Variants in ANKHD1 observed in about 807,000 individuals in gnomAD.
The protein encoded by ANKHD1 is ankyrin repeat and KH domain-containing protein 1.
Under a neutral mutation model 230.5 loss-of-function variants are expected in ANKHD1, and 31 were observed. The observed-to-expected ratio is 0.13, with a 90% confidence interval of 0.10 to 0.18. The LOEUF is 0.18. Ranked by LOEUF, ANKHD1 falls within the 10% of genes least tolerant of loss-of-function variation. The pLI is 1.00. For synonymous variants in ANKHD1, 1,074 were observed against 1,117.6 expected, an observed-to-expected ratio of 0.96 and a Z score of 0.78; for missense variants, 2,256 against 3,071.3, an observed-to-expected ratio of 0.73 and a Z score of 6.27.
At chr5:140,431,997 C>T (rs1424533446) in intron 1 of ANKHD1, among the ~76,000 whole-genome samples, 1 of 152,104 alleles carries the variant, frequency 6.6e-6, no homozygotes, top group Non-Finnish European at 1.5e-5. Context: ...AGTCTGTCAC[C>T]TTTTATATGG....
intron 7 of ANKHD1, among the ~76,000 whole-genome samples, chr5:140,455,265 T>A (rs372828228): frequency 6.6e-6 from 1 of 152,136 alleles, no homozygotes; most frequent in Non-Finnish European, 1.5e-5. Flanking sequence ...ATGGATTCAC[T>A]GCTGAATTCT....
intron 24 of ANKHD1, among the ~76,000 whole-genome samples, chr5:140,518,070 A>C (rs933139483): frequency 1.3e-5 from 2 of 152,198 alleles, no homozygotes; most frequent in Non-Finnish European, 2.9e-5. Context: ...AAAAAAGAAG[A>C]ATCAAATAGA....
Position 140,401,928 on chromosome 5 carries a change from G to T in ANKHD1, c.-40G>T. 1 of 1,532,556 alleles carries T rather than the reference G, an allele frequency of 6.5e-7. No homozygotes were observed. The highest frequency in any genetic ancestry group is 8.7e-7 in the Non-Finnish European group (1 of 1,148,610). 94.9% of individuals were successfully genotyped at this position (1,532,556 alleles called of 1,614,324 possible). On this transcript the variant is annotated 5_prime_UTR_variant, in exon 1 of 34. Transcript: ENST00000360839. The stretch of plus-strand genomic sequence containing the variant: ...CCCGAGATCAGCGGCGGCGGTGACC[G>T]CGAGTGGGTCGGCACCGTCTCCGGC...
At chr5:140,481,842 A>G (rs1255450121) in intron 10 of ANKHD1, among the ~76,000 whole-genome samples, 1 of 152,092 alleles carries the variant, frequency 6.6e-6, no homozygotes, top group Non-Finnish European at 1.5e-5. Context: ...AAGAAGCAGT[A>G]TATAAGCTAC....
chr5:140,495,779 G>A (rs1384772679), intron 14 of ANKHD1, among the ~76,000 whole-genome samples: 5 of 152,100 alleles, frequency 3.3e-5, no homozygotes, highest in African/African-American at 9.7e-5. Context: ...CCCTAAATGG[G>A]AAGTCTGATT....
At chr5:140,452,938 C>T (rs1383799663) in intron 7 of ANKHD1, among the ~76,000 whole-genome samples, 7 of 152,074 alleles carry the variant, frequency 4.6e-5, no homozygotes, top group South Asian at 2.1e-4. Flanking sequence ...GGAGGAAGTT[C>T]GAACCCAACA....
At chr5:140,459,509 G>C (rs1775547984) in intron 9 of ANKHD1, among the ~76,000 whole-genome samples, 154 bp downstream of exon 9, 1 of 152,042 alleles carries the variant, frequency 6.6e-6, no homozygotes. Flanking sequence ...CAAGGAGAGG[G>C]GAAATGTTGA....
chr5:140,533,864 TA>T, intron 29 of ANKHD1, among the ~76,000 whole-genome samples: 1 of 151,998 alleles, frequency 6.6e-6, no homozygotes, highest in Middle Eastern at 3.4e-3. Context: ...ATTTCCTACT[TA>T]CAGACTTTTT....
chr5:140,417,606 A>G (rs1771501434), intron 1 of ANKHD1, among the ~76,000 whole-genome samples: 1 of 151,710 alleles, frequency 6.6e-6, no homozygotes, highest in Non-Finnish European at 1.5e-5. Context: ...GCATGCCACC[A>G]TGTCTGGCTA....
intron 1 of ANKHD1, among the ~76,000 whole-genome samples, chr5:140,410,236 A>C (rs1770820648): frequency 6.6e-6 from 1 of 152,184 alleles, no homozygotes; most frequent in South Asian, 2.1e-4. Context: ...ACTGTTACAC[A>C]GATGGTAAGA....
At position 140,528,911 on chromosome 5, in the gene ANKHD1, G is replaced by T. The variant is rs913108890; in HGVS notation, c.5965G>T (p.Val1989Phe). Reference sequence around the variant, plus strand: ...AAGCACTTGTAGTTCCCTGCCTTCTGTCTCCTCTGCACCTATCACTAGCGG... The same window carrying T: ...AAGCACTTGTAGTTCCCTGCCTTCTTTCTCCTCTGCACCTATCACTAGCGG... Reference protein sequence around the residue: ...VTSTCSSLPSVSSAPITSGQA... With the variant: ...VTSTCSSLPSFSSAPITSGQA... Residue 1989 changes from valine to phenylalanine, a missense_variant, in exon 29 of 34, where the codon GTC becomes TTC. Val to Phe is a conservative substitution (Grantham distance 50, BLOSUM62 -1). Around this residue, in one of 13 missense-constraint regions of ANKHD1, gnomAD observed 778 missense variants for 966.5 expected, o/e 0.80. Coordinates refer to ENST00000360839, the MANE Select transcript of ANKHD1 (RefSeq NM_017747.3). The T allele has an allele frequency of 1.9e-6, 3 of 1,614,058 alleles. No individual in the cohort carries two copies. The highest frequency in any genetic ancestry group is 1.7e-5 in the Admixed American group (1 of 60,010).
At chr5:140,531,086 T>C (rs1452126218) in intron 29 of ANKHD1, among the ~76,000 whole-genome samples, 1 of 152,202 alleles carries the variant, frequency 6.6e-6, no homozygotes, top group Non-Finnish European at 1.5e-5. Flanking sequence ...TTGGGGAAAG[T>C]AATATAGACT....
intron 6 of ANKHD1, among the ~76,000 whole-genome samples, chr5:140,447,770 G>T (rs1476179082): frequency 6.6e-6 from 1 of 152,114 alleles, no homozygotes; most frequent in East Asian, 1.9e-4. Flanking sequence ...TGATAGCTAG[G>T]ACCCCAGCAG....
At chr5:140,416,183 A>G (rs922110382) in intron 1 of ANKHD1, among the ~76,000 whole-genome samples, 2 of 152,174 alleles carry the variant, frequency 1.3e-5, no homozygotes, top group Admixed American at 6.5e-5. Context: ...AATCCAGTCT[A>G]TCATTGATGG....
At chr5:140,469,181 A>G (rs1776316928) in intron 10 of ANKHD1, among the ~76,000 whole-genome samples, 1 of 149,964 alleles carries the variant, frequency 6.7e-6, no homozygotes, top group South Asian at 2.1e-4. Context: ...CTAATTTCTG[A>G]TCACAGCCCC....
chr5:140,505,621 C>G lies in ANKHD1; in HGVS notation c.3263-103C>G, dbSNP rs953988609. 33 of 1,453,040 alleles carry G rather than the reference C, an allele frequency of 2.3e-5. No homozygotes were observed. In the African/African-American group the frequency reaches 4.8e-4, roughly 21 times the overall value. 90.0% of individuals were successfully genotyped at this position (1,453,040 alleles called of 1,614,324 possible). On this transcript the variant is annotated intron_variant, in intron 17 of 33. Transcript: ENST00000360839. ...ATGTTAACTCATTATCAGTGTCTGC[C>G]CTGAAGGATTTATTTTGCTAAAATA...
chr5:140,478,320 C>A (rs1751076741), intron 10 of ANKHD1, among the ~76,000 whole-genome samples: 1 of 148,652 alleles, frequency 6.7e-6, no homozygotes. Flanking sequence ...AAAAAGACTA[C>A]CAAAACAGAT....
intron 7 of ANKHD1, among the ~76,000 whole-genome samples, chr5:140,450,244 G>A (rs1043141645): frequency 4.0e-5 from 6 of 151,530 alleles, no homozygotes; most frequent in Non-Finnish European, 7.4e-5. Context: ...GCTGTTTAGC[G>A]AATCACTCAA....
At chr5:140,491,119 C>CATAT (rs1240035842) in intron 14 of ANKHD1, among the ~76,000 whole-genome samples, 21 of 46,928 alleles carry the variant, frequency 4.5e-4, no homozygotes, top group African/African-American at 1.1e-3. Context: ...CACACACACA[C>CATAT]ATATATATAT....
Sources: allele counts gnomAD v4.1 joint callset (sites outside exome capture counted in the v4.1 genomes callset), GRCh38; gene constraint gnomAD v4.1.1; regional missense constraint gnomAD v4.1.1; transcripts MANE v1.5; gene names NCBI Gene and HGNC (gene_info 2026-07-23, HGNC 2026-07-21).